ZFYVE28: variants seen among roughly 807,000 people sequenced by gnomAD.
ZFYVE28 encodes lateral signaling target protein 2 homolog.
In ZFYVE28, 40 loss-of-function variants were observed where a neutral mutation model predicts 82.1. The observed-to-expected ratio is 0.49, with a 90% CI of 0.38 to 0.63. ZFYVE28 has a LOEUF of 0.63. ZFYVE28 is among the 30% of genes least tolerant of loss of function. The pLI, the probability that ZFYVE28 is intolerant of heterozygous loss-of-function variation, is 0.00. For synonymous variants in ZFYVE28, 612 were observed against 546.1 expected, an observed-to-expected ratio of 1.12 and a Z score of -1.68; for missense variants, 1,321 against 1,242.1, an observed-to-expected ratio of 1.06 and a Z score of -0.96.
intron 1 of ZFYVE28, among the ~76,000 whole-genome samples, chr4:2,397,047 A>T (rs549752807): frequency 1.3e-5 from 2 of 152,356 alleles, no homozygotes; most frequent in African/African-American, 4.8e-5. Context: ...GCCGGGGATC[A>T]GGGAGGCATC....
chr4:2,334,833 CCTCCCCT>C, intron 6 of ZFYVE28, among the ~76,000 whole-genome samples: 2 of 35,032 alleles, frequency 5.7e-5, no homozygotes, highest in African/African-American at 2.3e-4. Context: ...CCCTCTTCCC[CCTCCCCT>C]CTTCCCCCTC....
intron 2 of ZFYVE28, among the ~76,000 whole-genome samples, chr4:2,345,724 A>G (rs562788022): frequency 6.6e-6 from 1 of 151,842 alleles, no homozygotes; most frequent in South Asian, 2.1e-4. Flanking sequence ...GTTTTTAAAA[A>G]CTATACCAAA....
At position 2,339,955 on chromosome 4, in the gene ZFYVE28, G is replaced by T. The variant is rs923384212; in HGVS notation, c.319-300C>A. 6.6e-6 allele frequency among the ~76,000 whole-genome samples: 1 copy of T among 151,156 alleles called. No individual in the cohort carries two copies. The highest frequency in any genetic ancestry group is 2.1e-4 in the South Asian group (1 of 4,774). On this transcript the variant is annotated intron_variant, in intron 3 of 12. Transcript: ENST00000290974. The surrounding 1 kb of genome is among the most constrained non-coding windows in gnomAD (Gnocchi z 5.0). ...GGGAGGGCAGGGGAGGGGAGGGGAGGGGAAGGTGGACTGAGGCCCTTGGGT... is the reference window on the plus strand; with the variant it reads ...GGGAGGGCAGGGGAGGGGAGGGGAGTGGAAGGTGGACTGAGGCCCTTGGGT...
intron 7 of ZFYVE28, among the ~76,000 whole-genome samples, chr4:2,318,127 C>T (rs1318025808): frequency 6.6e-6 from 1 of 152,166 alleles, no homozygotes; most frequent in Admixed American, 6.5e-5. Context: ...GAAGCCTGGG[C>T]CCTGGACAAG....
At chr4:2,312,286 C>A (rs1024941435) in intron 7 of ZFYVE28, among the ~76,000 whole-genome samples, 9 of 152,082 alleles carry the variant, frequency 5.9e-5, no homozygotes, top group African/African-American at 1.9e-4. Context: ...TGGCTCATGC[C>A]CAACAGTTTG....
chr4:2,284,492 A>T (rs1178439622), intron 8 of ZFYVE28, among the ~76,000 whole-genome samples: 1 of 152,152 alleles, frequency 6.6e-6, no homozygotes, highest in Non-Finnish European at 1.5e-5. Context: ...CACCAATGAG[A>T]TGGAGAGGAC....
In ZFYVE28 at chr4:2,332,167, T is replaced by G. The variant is rs1720808493; in HGVS notation, c.701+3538A>C. Among the ~76,000 whole-genome samples the G allele has an allele frequency of 6.6e-6, 1 of 152,092 alleles. No individual in the cohort carries two copies. Among genetic ancestry groups the G allele is most frequent in the South Asian group, 2.1e-4 (1 of 4,826 alleles). On this transcript the variant is annotated intron_variant, in intron 6 of 12. Coordinates refer to ENST00000290974, the MANE Select transcript of ZFYVE28 (RefSeq NM_020972.3). This position sits in a 1 kb window ranked among gnomAD's most constrained non-coding sequence, Gnocchi z 4.7. ...GCCACAGAGGAGCTCCACCCTCAGC[T>G]CCTGCCCCGCTCAGCACCCCTGCCT...
At chr4:2,312,964 G>C (rs1310343041) in intron 7 of ZFYVE28, among the ~76,000 whole-genome samples, 4 of 151,972 alleles carry the variant, frequency 2.6e-5, no homozygotes, top group Non-Finnish European at 5.9e-5. Context: ...AGAATCGCTT[G>C]AACTCAGGAA....
chr4:2,418,448 C>T lies in ZFYVE28; in HGVS notation c.-125G>A, dbSNP rs1015372714. 16 of 779,974 alleles carry T rather than the reference C, an allele frequency of 2.1e-5. No homozygotes were observed. The African/African-American group carries it at 2.4e-4, about 12-fold the overall frequency. 48.3% of individuals were successfully genotyped at this position (779,974 alleles called of 1,614,324 possible). ...GAGCCCCCGCGCTGTCGCAGGGAGG[C>T]TGGCTAGCGAAGCCCGGAGCGCCGA... is the stretch of plus-strand genomic sequence containing the variant. On this transcript the variant is annotated 5_prime_UTR_variant, in exon 1 of 13. Coordinates refer to ENST00000290974, the MANE Select transcript of ZFYVE28 (RefSeq NM_020972.3). The surrounding 1 kb of genome is among the most constrained non-coding windows in gnomAD (Gnocchi z 4.6).
chr4:2,298,453 C>G (rs1714992408), intron 8 of ZFYVE28, among the ~76,000 whole-genome samples: 1 of 152,220 alleles, frequency 6.6e-6, no homozygotes. Flanking sequence ...CACCATGACT[C>G]CAGCGATTCC....
intron 6 of ZFYVE28, chr4:2,330,069 G>C (rs1422492657): frequency 1.2e-5 from 2 of 165,224 alleles, no homozygotes; most frequent in African/African-American, 4.8e-5. Context: ...CAAATCTATA[G>C]AAACAGAAAA....
At position 2,414,353 on chromosome 4, in the gene ZFYVE28, C is replaced by G. The variant is rs575332960; in HGVS notation, c.39+3932G>C. Among the ~76,000 whole-genome samples, 6 of 152,370 alleles carry G rather than the reference C, an allele frequency of 3.9e-5. No individual in the cohort carries two copies. In the South Asian group the frequency reaches 1.2e-3, roughly 32 times the overall value. On this transcript the variant is annotated intron_variant, in intron 1 of 12. Coordinates refer to ENST00000290974, the MANE Select transcript of ZFYVE28 (RefSeq NM_020972.3). ...GTCTTCTTTCATAAAGCACACACAC[C>G]CAGCAAGTCACTCAGGCTTCTCTTG...
intron 1 of ZFYVE28, 131 bp from the exon 2 acceptor site, chr4:2,354,204 T>C: frequency 9.5e-7 from 1 of 1,050,968 alleles, no homozygotes; most frequent in Non-Finnish European, 1.3e-6. Flanking sequence ...GCCGGCTCTT[T>C]TATCAGCTTT....
At chr4:2,326,348 T>C (rs1252263202) in intron 6 of ZFYVE28, among the ~76,000 whole-genome samples, 1 of 152,240 alleles carries the variant, frequency 6.6e-6, no homozygotes, top group Non-Finnish European at 1.5e-5. Context: ...TGAAAATTAG[T>C]TGGGTTCATT....
chr4:2,289,405 G>A (rs1332871562), intron 8 of ZFYVE28, among the ~76,000 whole-genome samples: 1 of 152,234 alleles, frequency 6.6e-6, no homozygotes, highest in Non-Finnish European at 1.5e-5. Flanking sequence ...TGTGGCCCTG[G>A]GCCGCGTAAC....
At chr4:2,363,930 C>A (rs1323398933) in intron 1 of ZFYVE28, among the ~76,000 whole-genome samples, 1 of 152,214 alleles carries the variant, frequency 6.6e-6, no homozygotes, top group Non-Finnish European at 1.5e-5. Flanking sequence ...GCAATGAGGC[C>A]TGCATTTCAA....
Position 2,341,700 on chromosome 4 carries a change from ATG to A in ZFYVE28, c.181-87_181-86del. The A allele has an allele frequency of 6.5e-7, 1 of 1,530,490 alleles. No homozygotes were observed. The highest frequency in any genetic ancestry group is 8.9e-7 in the Non-Finnish European group (1 of 1,124,666). The allele number at this position is 1,530,490 out of a possible 1,614,324, so 94.8% of individuals were successfully genotyped here. A position where few individuals can be genotyped will look rare whatever the true frequency, so the allele number is the denominator to read the frequency against. ...TACTGCTGGAAAACACGCACGGTGC[ATG>A]TGACTGTTTTTTAGGATTATTAAAG... On this transcript the variant is annotated intron_variant, in intron 2 of 12. Coordinates refer to ENST00000290974, the MANE Select transcript of ZFYVE28 (RefSeq NM_020972.3). The surrounding 1 kb of genome is among the most constrained non-coding windows in gnomAD (Gnocchi z 4.5).
rs761192658 is a variant in ZFYVE28, at chr4:2,339,562, C to A, written c.412G>T (p.Val138Leu). Residue 138 changes from valine (V) to leucine (L), a missense_variant, in exon 4 of 13, where the codon GTG becomes TTG. Coordinates refer to ENST00000290974, the MANE Select transcript of ZFYVE28 (RefSeq NM_020972.3). The surrounding 1 kb of genome is among the most constrained non-coding windows in gnomAD (Gnocchi z 5.0). Reference sequence around the variant, plus strand: ...GCCTGGTCACGGAGGGCGCCCCGCACGTCCTCCAGGCTGCGCGTCAGCTCC... The same window carrying A: ...GCCTGGTCACGGAGGGCGCCCCGCAAGTCCTCCAGGCTGCGCGTCAGCTCC... Reference protein sequence around the residue: ...AKELTRSLEDVRGALRDQALR... With the variant: ...AKELTRSLEDLRGALRDQALR... 3.1e-6 allele frequency: 5 copies of A among 1,612,964 alleles called. No homozygotes were observed. The highest frequency in any genetic ancestry group is 1.1e-5 in the South Asian group (1 of 90,852).
At chr4:2,319,643 G>A (rs549011109) in intron 7 of ZFYVE28, among the ~76,000 whole-genome samples, 7 of 152,196 alleles carry the variant, frequency 4.6e-5, no homozygotes, top group Admixed American at 1.3e-4. Context: ...GGGCTCTGTC[G>A]GCTCAGGCCA....
Sources: allele counts gnomAD v4.1 joint callset (sites outside exome capture counted in the v4.1 genomes callset), GRCh38; gene constraint gnomAD v4.1.1; non-coding constraint Gnocchi (gnomAD v3.1); transcripts MANE v1.5; gene names NCBI Gene and HGNC (gene_info 2026-07-23, HGNC 2026-07-21).